GPD1L: variants seen among roughly 807,000 people sequenced by gnomAD.
GPD1L encodes the protein glycerol-3-phosphate dehydrogenase 1 like, also known as glycerol-3-phosphate dehydrogenase 1-like protein.
A neutral mutation model predicts 32.9 loss-of-function variants in GPD1L; 17 were observed. That is an observed-to-expected ratio of 0.52 (90% CI 0.35 to 0.78). GPD1L has a LOEUF of 0.78. Among genes scored for constraint, GPD1L ranks in the 30% least tolerant of loss-of-function variants. The pLI is 0.01. For missense variants in GPD1L, 361 were observed against 447.8 expected (o/e 0.81, Z 1.75); for synonymous variants, 187 against 165.9 (o/e 1.13, Z -0.98).
At position 32,167,994 on chromosome 3, in the gene GPD1L, G is replaced by A. The variant is rs1053382127; in HGVS notation, c.*2084G>A. 2.0e-5 allele frequency: 3 copies of A among 152,114 alleles called. No homozygotes were observed. Among genetic ancestry groups the A allele is most frequent in the Non-Finnish European group, 1.5e-5 (1 of 68,034 alleles). 9.4% of individuals were successfully genotyped at this position (152,114 alleles called of 1,614,324 possible). A position where few individuals can be genotyped will look rare whatever the true frequency, so the allele number is the denominator to read the frequency against. On this transcript the variant is annotated 3_prime_UTR_variant, in exon 8 of 8. Transcript: ENST00000282541. Reference sequence around the variant, plus strand: ...AAAGTTACTTTAAAAGATATATAAAGGGCTGTAAGCTAATTGTGGTGTCTA... The same window carrying A: ...AAAGTTACTTTAAAAGATATATAAAAGGCTGTAAGCTAATTGTGGTGTCTA...
At position 32,144,171 on chromosome 3, in the gene GPD1L, C is replaced by G. The variant is rs528670331; in HGVS notation, c.506-2451C>G. Among the ~76,000 whole-genome samples the G allele has an allele frequency of 6.6e-5, 10 of 152,254 alleles. No individual in the cohort carries two copies. The South Asian group carries it at 2.1e-3, about 32-fold the overall frequency. On this transcript the variant is annotated intron_variant, in intron 4 of 7. Transcript: ENST00000282541. ...ATTGCAGTGTGGTTATCCAGACATC[C>G]TTTGTTGATGCATAGGGACTATTTT...
chr3:32,112,005 G>A lies in GPD1L; in HGVS notation c.47+5247G>A, dbSNP rs139633709. ...AGAAATAATCCTTCCCTGAGGACAG[G>A]CGCACGGACACACTTCTGCCTTGGA... On this transcript the variant is annotated intron_variant, in intron 1 of 7. Coordinates refer to ENST00000282541, the MANE Select transcript of GPD1L (RefSeq NM_015141.4). 1.9e-3 allele frequency among the ~76,000 whole-genome samples: 293 copies of A among 152,280 alleles called. 1 individual carries two copies. Among genetic ancestry groups the A allele is most frequent in the African/African-American group, 6.9e-3 (287 of 41,544 alleles).
chr3:32,137,077 C>CA (rs1410766555), intron 2 of GPD1L, among the ~76,000 whole-genome samples: 1 of 152,176 alleles, frequency 6.6e-6, no homozygotes. Flanking sequence ...TGGGAGTTGG[C>CA]AATCTCCATC....
intron 5 of GPD1L, among the ~76,000 whole-genome samples, chr3:32,147,474 G>A (rs763490902): frequency 6.6e-5 from 10 of 151,922 alleles, no homozygotes; most frequent in Non-Finnish European, 1.2e-4. Flanking sequence ...TGACTTGTTG[G>A]CTGCTGTCTT....
At chr3:32,164,902 GT>G (rs767940648) in intron 7 of GPD1L, among the ~76,000 whole-genome samples, 147 of 152,214 alleles carry the variant, frequency 9.7e-4, no homozygotes, top group Non-Finnish European at 1.7e-3. Flanking sequence ...TGAGCTATGT[GT>G]GTGTGTGTAT....
At chr3:32,151,171 G>A (rs1434733385) in intron 5 of GPD1L, 2 of 580,244 alleles carry the variant, frequency 3.4e-6, no homozygotes, top group African/African-American at 1.9e-5. Flanking sequence ...GGTGGAGCAG[G>A]CTGGTACTTC....
At chr3:32,113,695 C>G (rs925277734) in intron 1 of GPD1L, among the ~76,000 whole-genome samples, 2 of 152,102 alleles carry the variant, frequency 1.3e-5, no homozygotes, top group African/African-American at 4.8e-5. Context: ...ACAGTCTACC[C>G]CCAAACTTAG....
intron 1 of GPD1L, among the ~76,000 whole-genome samples, chr3:32,108,924 A>C (rs1700205073): frequency 6.6e-6 from 1 of 152,106 alleles, no homozygotes; most frequent in Non-Finnish European, 1.5e-5. Context: ...ATCTCTGCTC[A>C]CTGCAAGCTC....
At chr3:32,165,774 A>G (rs374327326) in intron 7 of GPD1L, 40 bp from the exon 8 acceptor site, 5 of 1,027,806 alleles carry the variant, frequency 4.9e-6, no homozygotes, top group Non-Finnish European at 7.8e-6. Context: ...AGGTAAATCC[A>G]GTGGCCTAAC....
At chr3:32,151,535 A>G (rs1235995933) in intron 5 of GPD1L, 9 of 271,992 alleles carry the variant, frequency 3.3e-5, no homozygotes, top group Non-Finnish European at 6.1e-5. Context: ...GCTGGAGTGC[A>G]GTGGCACAAT....
chr3:32,108,931 G>T (rs1381949836), intron 1 of GPD1L, among the ~76,000 whole-genome samples: 1 of 152,142 alleles, frequency 6.6e-6, no homozygotes, highest in Non-Finnish European at 1.5e-5. Flanking sequence ...CTCACTGCAA[G>T]CTCCGCTTCC....
At chr3:32,118,359 A>C (rs1700359546) in intron 1 of GPD1L, among the ~76,000 whole-genome samples, 1 of 152,180 alleles carries the variant, frequency 6.6e-6, no homozygotes. Flanking sequence ...CTATGTCAAC[A>C]CTTCAATGTG....
intron 2 of GPD1L, among the ~76,000 whole-genome samples, chr3:32,135,263 G>A (rs1700647375): frequency 6.6e-6 from 1 of 152,196 alleles, no homozygotes; most frequent in African/African-American, 2.4e-5. Context: ...GAACCAGGGA[G>A]TAGGGTGCAT....
At chr3:32,134,993 A>C (rs1388729906) in intron 2 of GPD1L, among the ~76,000 whole-genome samples, 1 of 152,220 alleles carries the variant, frequency 6.6e-6, no homozygotes, top group Non-Finnish European at 1.5e-5. Context: ...TCTATTTTAC[A>C]TATGGAGTGA....
chr3:32,140,749 C>A lies in GPD1L; in HGVS notation c.505+383C>A, dbSNP rs76032576. Among the ~76,000 whole-genome samples, 3,607 of 152,224 alleles carry A rather than the reference C, an allele frequency of 0.024. 296 individuals are homozygous for A. The East Asian group carries it at 0.26, about 11-fold the overall frequency. On this transcript the variant is annotated intron_variant, in intron 4 of 7. Transcript: ENST00000282541. ...TCTTACAAATGTTAGTATCTGGATCCTCATTGATTCCAGTGAGATCTAAAA... is the reference window on the plus strand; with the variant it reads ...TCTTACAAATGTTAGTATCTGGATCATCATTGATTCCAGTGAGATCTAAAA...
chr3:32,117,505 G>A (rs764714240), intron 1 of GPD1L, among the ~76,000 whole-genome samples: 38 of 152,114 alleles, frequency 2.5e-4, no homozygotes, highest in Non-Finnish European at 1.3e-4. Flanking sequence ...TGAGACTCTG[G>A]TGGATGTTTG....
chr3:32,154,938 A>AG (rs1214166245), intron 5 of GPD1L, among the ~76,000 whole-genome samples: 1 of 151,984 alleles, frequency 6.6e-6, no homozygotes, highest in Non-Finnish European at 1.5e-5. Context: ...TGGTAGAAAC[A>AG]GGGTTTCACT....
At chr3:32,143,691 A>G (rs1164194992) in intron 4 of GPD1L, among the ~76,000 whole-genome samples, 3 of 151,976 alleles carry the variant, frequency 2.0e-5, no homozygotes, top group Non-Finnish European at 4.4e-5. Context: ...AAAAATACAA[A>G]AATTAGCCAG....
At chr3:32,144,778 T>G (rs1700795775) in intron 4 of GPD1L, among the ~76,000 whole-genome samples, 1 of 151,068 alleles carries the variant, frequency 6.6e-6, no homozygotes, top group Non-Finnish European at 1.5e-5. Context: ...CTCCGCCCCC[T>G]GGGCTCAAAT....
Sources: gnomAD v4.1 joint callset for allele counts (sites outside exome capture counted in the v4.1 genomes callset) on GRCh38, gnomAD v4.1.1 for gene constraint, MANE v1.5 for transcripts, NCBI Gene and HGNC (gene_info 2026-07-23, HGNC 2026-07-21) for gene names.